Variants in WDSUB1 observed in about 807,000 individuals in gnomAD.
WDSUB1 encodes WD repeat, sterile alpha motif and U-box domain containing 1.
WDSUB1 carries 49 observed loss-of-function variants against 53.9 expected under a neutral mutation model. That is an observed-to-expected ratio of 0.91 (90% CI 0.72 to 1.15). The LOEUF (loss-of-function observed/expected upper bound fraction) is 1.15, where lower values mean the gene tolerates loss of function less well. Ranked by LOEUF, WDSUB1 falls within the 50% of genes most tolerant of loss-of-function variation. WDSUB1 has a pLI of 0.00. For synonymous variants in WDSUB1, 194 were observed against 200.6 expected (o/e 0.97, Z 0.28); for missense variants, 514 against 562.0 (o/e 0.91, Z 0.86).
At chr2:159,265,123 C>CAAAAA (rs144543167) in intron 5 of WDSUB1, among the ~76,000 whole-genome samples, 1 of 146,370 alleles carries the variant, frequency 6.8e-6, no homozygotes, top group African/African-American at 2.6e-5. Context: ...ACAACAACAA[C>CAAAAA]AAAAAAAAAC....
intron 1 of WDSUB1, among the ~76,000 whole-genome samples, chr2:159,285,853 G>C (rs1028311200): frequency 6.6e-6 from 1 of 152,156 alleles, no homozygotes; most frequent in African/African-American, 2.4e-5. Flanking sequence ...GACTATCCCT[G>C]TACTGCTGTC....
intron 4 of WDSUB1, among the ~76,000 whole-genome samples, chr2:159,275,034 TAAAA>T (rs746969502): frequency 6.6e-6 from 1 of 151,860 alleles, no homozygotes; most frequent in Non-Finnish European, 1.5e-5. Context: ...ATGTGGGGGA[TAAAA>T]AAAGAGAATC....
At chr2:159,270,455 T>C (rs2061424926) in intron 5 of WDSUB1, among the ~76,000 whole-genome samples, 1 of 152,218 alleles carries the variant, frequency 6.6e-6, no homozygotes, top group Non-Finnish European at 1.5e-5. Flanking sequence ...ATATAAAGCC[T>C]GGGAGAGACA....
At chr2:159,254,012 C>A (rs965736973) in intron 9 of WDSUB1, among the ~76,000 whole-genome samples, 2 of 152,200 alleles carry the variant, frequency 1.3e-5, no homozygotes, top group Non-Finnish European at 2.9e-5. Context: ...ATATCTTAAA[C>A]ACAAGCCTAA....
chr2:159,255,636 T>C (rs996345577), intron 9 of WDSUB1, among the ~76,000 whole-genome samples: 3 of 152,202 alleles, frequency 2.0e-5, no homozygotes, highest in Non-Finnish European at 2.9e-5. Context: ...TCACGTACTA[T>C]GTTTACTATG....
intron 5 of WDSUB1, among the ~76,000 whole-genome samples, chr2:159,264,226 C>T (rs1310544635): frequency 6.6e-6 from 1 of 152,208 alleles, no homozygotes; most frequent in African/African-American, 2.4e-5. Context: ...TCTCAGAAGA[C>T]ATCTACTTTC....
At chr2:159,240,073 G>A (rs7568606) in intron 10 of WDSUB1, among the ~76,000 whole-genome samples, 4,354 of 152,238 alleles carry the variant, frequency 0.029, 197 homozygotes, top group African/African-American at 0.094. Flanking sequence ...CCCCCGCAGC[G>A]TGTGGCCACC....
chr2:159,245,743 T>G (rs2060780024), intron 10 of WDSUB1, among the ~76,000 whole-genome samples: 1 of 152,078 alleles, frequency 6.6e-6, no homozygotes, highest in African/African-American at 2.4e-5. Flanking sequence ...AACAAAAATG[T>G]GAAATAAGTC....
chr2:159,271,446 G>A (rs1186939295), intron 5 of WDSUB1, among the ~76,000 whole-genome samples: 1 of 152,170 alleles, frequency 6.6e-6, no homozygotes, highest in Non-Finnish European at 1.5e-5. Flanking sequence ...CAGGAAGCCT[G>A]ACAAAATAAT....
chr2:159,245,374 T>TA (rs573940331), intron 10 of WDSUB1, among the ~76,000 whole-genome samples: 247 of 150,324 alleles, frequency 1.6e-3, no homozygotes, highest in Non-Finnish European at 2.3e-3. Flanking sequence ...CTAAAAATAA[T>TA]AAAAAAAAAT....
chr2:159,254,069 T>C (rs979193974), intron 9 of WDSUB1, among the ~76,000 whole-genome samples: 2 of 152,216 alleles, frequency 1.3e-5, no homozygotes, highest in African/African-American at 4.8e-5. Flanking sequence ...TCTCCATTCT[T>C]AATGGTTTTT....
At chr2:159,238,276 CA>C (rs1375283311) in intron 10 of WDSUB1, among the ~76,000 whole-genome samples, 2 of 30,676 alleles carry the variant, frequency 6.5e-5, no homozygotes, top group Non-Finnish European at 1.7e-4. Flanking sequence ...CCAATTCTAT[CA>C]AGGAATTTAC....
rs574667374 is a variant in WDSUB1, at chr2:159,241,607, C to T, written c.1274-5417G>A. ...AGCTAAATTGGCAAAAATGACCAAGCCAAATTTTTTTAAAGATTGGACATA... is the reference window on the plus strand; with the variant it reads ...AGCTAAATTGGCAAAAATGACCAAGTCAAATTTTTTTAAAGATTGGACATA... On this transcript the variant is annotated intron_variant, in intron 10 of 10. Coordinates refer to ENST00000359774, the MANE Select transcript of WDSUB1 (RefSeq NM_001128212.3). Among the ~76,000 whole-genome samples the T allele has an allele frequency of 1.2e-4, 17 of 147,734 alleles. 4 individuals are homozygous for T. In the East Asian group the frequency reaches 3.6e-3, roughly 31 times the overall value.
At chr2:159,257,648 A>T in intron 8 of WDSUB1, 110 bp downstream of exon 8, 2 of 913,118 alleles carry the variant, frequency 2.2e-6, no homozygotes, top group Non-Finnish European at 3.4e-6. Flanking sequence ...TTGGCCTCCC[A>T]AAGTGCTGGG....
chr2:159,268,835 A>G (rs1440481911), intron 5 of WDSUB1, among the ~76,000 whole-genome samples: 2 of 152,234 alleles, frequency 1.3e-5, no homozygotes, highest in Non-Finnish European at 2.9e-5. Context: ...AATCATAAAA[A>G]GTGACACCAC....
rs202103797 is a variant in WDSUB1 at position 159,236,061 on chromosome 2, T to C, written c.1403A>G (p.Asn468Ser). 3.5e-5 allele frequency: 56 copies of C among 1,610,856 alleles called. No individual in the cohort carries two copies. The highest frequency in any genetic ancestry group is 2.5e-4 in the Admixed American group (15 of 59,500). Residue 468 changes from asparagine to serine, a missense_variant, in exon 11 of 11, where the codon AAT becomes AGT. Coordinates refer to ENST00000359774, the MANE Select transcript of WDSUB1 (RefSeq NM_001128212.3). ...CTTTTGGTGTGTCTCCAGCCATCTA[T>C]TGATGGCCATTTTCAGAGTCCTATT... is the stretch of plus-strand genomic sequence containing the variant. ...TPNRTLKMAI[N>S]RWLETHQK
intron 4 of WDSUB1, among the ~76,000 whole-genome samples, chr2:159,273,127 A>AT (rs1217268514): frequency 6.6e-6 from 1 of 152,178 alleles, no homozygotes; most frequent in Admixed American, 6.5e-5. Context: ...AAAAATATAT[A>AT]TTTTTATCTG....
chr2:159,250,748 G>T (rs1386137868), intron 9 of WDSUB1, among the ~76,000 whole-genome samples: 1 of 152,088 alleles, frequency 6.6e-6, no homozygotes, highest in East Asian at 1.9e-4. Context: ...TAGATAAGAG[G>T]TACATAAGAT....
At chr2:159,254,578 G>C (rs568951406) in intron 9 of WDSUB1, among the ~76,000 whole-genome samples, 3 of 151,766 alleles carry the variant, frequency 2.0e-5, no homozygotes, top group African/African-American at 7.2e-5. Context: ...AAACTAGAAT[G>C]CCTTATTTAC....
Sources: allele counts gnomAD v4.1 joint callset (sites outside exome capture counted in the v4.1 genomes callset), GRCh38; gene constraint gnomAD v4.1.1; transcripts MANE v1.5; gene names NCBI Gene and HGNC (gene_info 2026-07-23, HGNC 2026-07-21).